The following HAUS1 variants were observed in gnomAD, a reference collection of about 807,000 sequenced individuals.
HAUS1 encodes the protein HAUS augmin like complex subunit 1.
A neutral mutation model predicts 38.6 loss-of-function variants in HAUS1; 25 were observed. The ratio of observed to expected loss-of-function variants is 0.65; its 90% CI spans 0.47 to 0.91. The LOEUF (loss-of-function observed/expected upper bound fraction) is 0.91. HAUS1 is among the 40% of genes least tolerant of loss of function. HAUS1 has a pLI of 0.00. For synonymous variants in HAUS1, 109 were observed against 112.9 expected (o/e 0.97, Z 0.22); for missense variants, 325 against 328.4 (o/e 0.99, Z 0.08).
intron 5 of HAUS1, 151 bp downstream of exon 5, chr18:46,122,741 G>A: frequency 2.4e-6 from 2 of 818,316 alleles, no homozygotes; most frequent in East Asian, 2.7e-5. Context: ...ATTACAGTAA[G>A]CAGATCTAGA....
chr18:46,117,365 AGTACTG>A (rs2144257669), intron 2 of HAUS1, among the ~76,000 whole-genome samples: 1 of 152,364 alleles, frequency 6.6e-6, no homozygotes, highest in Non-Finnish European at 1.5e-5. Context: ...GAAGGAATGA[AGTACTG>A]GTACATGCTG....
chr18:46,110,332 G>GGTTTTTTTTTTTT (rs1347909341), intron 2 of HAUS1, among the ~76,000 whole-genome samples: 2 of 58,584 alleles, frequency 3.4e-5, no homozygotes, highest in African/African-American at 6.1e-5. Context: ...ATTTTTTTAA[G>GGTTTTTTTTTTTT]GTTTTTTTTT....
Position 46,127,214 on chromosome 18 carries a change from C to T in HAUS1, c.787-861C>T, listed in dbSNP as rs957632104. On this transcript the variant is annotated intron_variant, in intron 8 of 8. Coordinates refer to ENST00000282058, the MANE Select transcript of HAUS1 (RefSeq NM_138443.4). ...CTCCAACTCCTGACCTCAAGTAATC[C>T]ACCTGCTTTGGCCTTCCAAAGTGCT... 7.4e-4 allele frequency among the ~76,000 whole-genome samples: 112 copies of T among 151,748 alleles called. 1 individual carries two copies. Among genetic ancestry groups the T allele is most frequent in the Non-Finnish European group, 1.9e-4 (13 of 67,950 alleles).
Position 46,118,286 on chromosome 18 carries a change from C to A in HAUS1, c.311C>A (p.Ala104Asp). The stretch of plus-strand genomic sequence containing the variant: ...AATGCTTTGGTTGACAGTGCGGTGG[C>A]CCTTGAAACAAAGGATACCTCGCTA... ...YLNALVDSAV[A>D]LETKDTSLAS... Residue 104 changes from alanine (A) to aspartate (D), a missense_variant, in exon 3 of 9, where the codon GCC becomes GAC. Physicochemically the swap from Ala to Asp is moderately radical, Grantham distance 126 (BLOSUM62 -2). Coordinates refer to ENST00000282058, the MANE Select transcript of HAUS1 (RefSeq NM_138443.4). The A allele has an allele frequency of 6.2e-7, 1 of 1,613,382 alleles. No homozygotes were observed. Among genetic ancestry groups the A allele is most frequent in the Non-Finnish European group, 8.5e-7 (1 of 1,179,962 alleles).
intron 2 of HAUS1, among the ~76,000 whole-genome samples, chr18:46,105,626 G>A (rs533464007): frequency 6.6e-6 from 1 of 150,690 alleles, no homozygotes; most frequent in Non-Finnish European, 1.5e-5. Context: ...CTGTCGCCCA[G>A]GCTGGAGTGC....
In HAUS1 at chr18:46,113,031, A is replaced by G. The variant is rs1409148746; in HGVS notation, c.206-5150A>G. 3.4e-4 allele frequency among the ~76,000 whole-genome samples: 40 copies of G among 117,216 alleles called. 2 individuals carry two copies. The highest frequency in any genetic ancestry group is 1.3e-3 in the African/African-American group (40 of 30,806). 76.9% of individuals were successfully genotyped at this position (117,216 alleles called of 152,430 possible). A position where few individuals can be genotyped will look rare whatever the true frequency, so the allele number is the denominator to read the frequency against. On this transcript the variant is annotated intron_variant, in intron 2 of 8. Coordinates refer to ENST00000282058, the MANE Select transcript of HAUS1 (RefSeq NM_138443.4). Reference sequence around the variant, plus strand: ...GGAATATATATATTCCATATTATATATATAATATATATATTCCATATTATA... The same window carrying G: ...GGAATATATATATTCCATATTATATGTATAATATATATATTCCATATTATA...
At chr18:46,108,961 C>T (rs188650544) in intron 2 of HAUS1, among the ~76,000 whole-genome samples, 1 of 150,954 alleles carries the variant, frequency 6.6e-6, no homozygotes, top group African/African-American at 2.4e-5. Context: ...GTCCCAGCTG[C>T]TTGGGAGGCT....
intron 2 of HAUS1, among the ~76,000 whole-genome samples, chr18:46,112,409 T>C (rs867317626): frequency 2.4e-3 from 174 of 73,002 alleles, no homozygotes; most frequent in African/African-American, 0.013. Flanking sequence ...ATATAATGTG[T>C]ATATATTCCA....
chr18:46,105,411 A>C (rs778232586), intron 2 of HAUS1, 43 bp downstream of exon 2: 7 of 1,548,730 alleles, frequency 4.5e-6, no homozygotes, highest in Admixed American at 3.8e-5. Context: ...AAATAGAGGT[A>C]ACCAAATTTT....
Position 46,110,251 on chromosome 18 carries a change from G to A in HAUS1, c.205+4883G>A, listed in dbSNP as rs571340872. On this transcript the variant is annotated intron_variant, in intron 2 of 8. Coordinates refer to ENST00000282058, the MANE Select transcript of HAUS1 (RefSeq NM_138443.4). The stretch of plus-strand genomic sequence containing the variant: ...GCTCACTGCAGCCTCGAACTTCTGG[G>A]CTCAAGTGATCCCCCTGCCTCAGCC... Among the ~76,000 whole-genome samples, 538 of 146,698 alleles carry A rather than the reference G, an allele frequency of 3.7e-3. 4 individuals carry two copies. Among genetic ancestry groups the A allele is most frequent in the African/African-American group, 0.012 (490 of 39,588 alleles).
At chr18:46,118,448 C>G in intron 3 of HAUS1, 132 bp downstream of exon 3, 1 of 746,610 alleles carries the variant, frequency 1.3e-6, no homozygotes, top group Non-Finnish European at 2.2e-6. Context: ...TACTTCATGT[C>G]TTTGCCAGTG....
Position 46,122,483 on chromosome 18 carries a change from G to A in HAUS1, c.493G>A (p.Glu165Lys), listed in dbSNP as rs766484068. The change falls in exon 5 of 9, where the codon GAG becomes AAG. Residue 165 changes from glutamate to lysine, a missense_variant. By Grantham distance (56) the Glu-to-Lys change is moderately conservative (BLOSUM62 1). Coordinates refer to ENST00000282058, the MANE Select transcript of HAUS1 (RefSeq NM_138443.4). ...TTTTTAAAGGGATGTCAAGAAAGCA[G>A]AGTTGCATCTGTCTACAGAAAGGGC... Reference protein sequence around the residue: ...KCLQEDVKKAELHLSTERAKV... With the variant: ...KCLQEDVKKAKLHLSTERAKV... The A allele has an allele frequency of 4.3e-6, 7 of 1,613,580 alleles. No homozygotes were observed. Among genetic ancestry groups the A allele is most frequent in the Admixed American group, 1.7e-5 (1 of 59,978 alleles).
At chr18:46,115,782 C>A (rs562204) in intron 2 of HAUS1, among the ~76,000 whole-genome samples, 1 of 152,114 alleles carries the variant, frequency 6.6e-6, no homozygotes, top group Admixed American at 6.6e-5. Context: ...TAGACATCAT[C>A]AAAATTTAAA....
At chr18:46,118,888 G>A (rs997536029) in intron 3 of HAUS1, among the ~76,000 whole-genome samples, 1 of 152,008 alleles carries the variant, frequency 6.6e-6, no homozygotes, top group African/African-American at 2.4e-5. Context: ...TTGTTTTTGA[G>A]ACAGAGTCTC....
intron 6 of HAUS1, among the ~76,000 whole-genome samples, chr18:46,123,932 G>T (rs1050890834): frequency 6.6e-6 from 1 of 152,044 alleles, no homozygotes; most frequent in Non-Finnish European, 1.5e-5. Context: ...TAGAGATGGG[G>T]GTCTTGCTAT....
At chr18:46,125,690 C>T in intron 7 of HAUS1, 54 bp from the exon 8 acceptor site, 1 of 1,240,460 alleles carries the variant, frequency 8.1e-7, no homozygotes, top group Non-Finnish European at 1.2e-6. Flanking sequence ...TATTTTTCTC[C>T]TTGGGTCTGA....
intron 2 of HAUS1, among the ~76,000 whole-genome samples, chr18:46,112,974 T>C (rs1599810283): frequency 1.4e-5 from 1 of 73,208 alleles, no homozygotes; most frequent in South Asian, 3.4e-4. Flanking sequence ...ATATATTCCA[T>C]ATTATATATA....
rs759628988 is a variant in HAUS1, at chr18:46,124,906, G to A, written c.738+13G>A. On this transcript the variant is annotated intron_variant, in intron 7 of 8. Coordinates refer to ENST00000282058, the MANE Select transcript of HAUS1 (RefSeq NM_138443.4). Reference sequence around the variant, plus strand: ...AGACTTAATGCCGGTAATAATTTTCGCGAATTAAAAAACAATTATTTCCTC... The same window carrying A: ...AGACTTAATGCCGGTAATAATTTTCACGAATTAAAAAACAATTATTTCCTC... 1.3e-5 allele frequency: 19 copies of A among 1,468,882 alleles called. No homozygotes were observed. In the East Asian group the frequency reaches 1.6e-4, roughly 12 times the overall value. The allele number at this position is 1,468,882 out of a possible 1,614,324, so 91.0% of individuals were successfully genotyped here.
At chr18:46,112,289 T>C (rs1188833696) in intron 2 of HAUS1, among the ~76,000 whole-genome samples, 1 of 129,340 alleles carries the variant, frequency 7.7e-6, no homozygotes, top group South Asian at 2.2e-4. Context: ...TAATATATAA[T>C]GTGTATATAT....
Sources: allele counts gnomAD v4.1 joint callset (sites outside exome capture counted in the v4.1 genomes callset), GRCh38; gene constraint gnomAD v4.1.1; transcripts MANE v1.5; gene names NCBI Gene and HGNC (gene_info 2026-07-23, HGNC 2026-07-21).